Variants in NBPF14 observed in about 807,000 individuals in gnomAD.
NBPF14 encodes NBPF member 14.
NBPF14 carries 104 observed loss-of-function variants against 91.2 expected under a neutral mutation model. That is an observed-to-expected ratio of 1.14 (90% confidence interval 0.97 to 1.34). The LOEUF (loss-of-function observed/expected upper bound fraction) is 1.34. Ranked by LOEUF, NBPF14 falls within the 40% of genes most tolerant of loss-of-function variation. The probability of loss-of-function intolerance (pLI) is 0.00; values close to 1 mark genes in which losing one functional copy is unlikely to be tolerated. For missense variants in NBPF14, 908 were observed against 783.0 expected, an observed-to-expected ratio of 1.16 and a Z score of -1.91; for synonymous variants, 294 against 303.8, an observed-to-expected ratio of 0.97 and a Z score of 0.34.
intron 67 of NBPF14, among the ~76,000 whole-genome samples, 184 bp downstream of exon 67, chr1:148,536,040 T>A (rs1453928739): frequency 1.3e-5 from 2 of 150,016 alleles, no homozygotes; most frequent in Non-Finnish European, 3.0e-5. Context: ...AGAGCCTTGC[T>A]CACTGACCCA....
intron 64 of NBPF14, 64 bp from the exon 65 acceptor site, chr1:148,538,070 A>C (rs1655311041): frequency 1.8e-5 from 2 of 109,112 alleles, no homozygotes; most frequent in Admixed American, 1.7e-4. Flanking sequence ...AGCCCCAACT[A>C]GGTTTCATGG....
intron 13 of NBPF14, among the ~76,000 whole-genome samples, 153 bp downstream of exon 13, chr1:148,578,921 T>C (rs1366920865): frequency 1.4e-5 from 2 of 147,416 alleles, no homozygotes; most frequent in Non-Finnish European, 1.5e-5. Flanking sequence ...GCTTCAGACT[T>C]GACTCCAGAG....
intron 20 of NBPF14, among the ~76,000 whole-genome samples, chr1:148,572,845 G>C (rs1570979276): frequency 2.6e-5 from 1 of 38,390 alleles, no homozygotes; most frequent in Admixed American, 2.7e-4. Context: ...GAGACAGAGA[G>C]AAAGTGACCT....
intron 37 of NBPF14, among the ~76,000 whole-genome samples, 167 bp downstream of exon 37, chr1:148,559,626 G>C (rs1185552714): frequency 8.8e-5 from 11 of 125,208 alleles, no homozygotes; most frequent in South Asian, 2.9e-4. Flanking sequence ...CCCATCCCTT[G>C]TCTGGGCTTC....
intron 16 of NBPF14, 121 bp from the exon 17 acceptor site, chr1:148,575,932 G>C: frequency 2.3e-6 from 1 of 435,614 alleles, no homozygotes; most frequent in Non-Finnish European, 4.1e-6. Flanking sequence ...ATCCATTAAT[G>C]AGGTAATGAA....
intron 69 of NBPF14, 116 bp downstream of exon 69, chr1:148,534,568 G>A (rs1287653949): frequency 1.3e-6 from 1 of 774,902 alleles, no homozygotes; most frequent in Non-Finnish European, 2.3e-6. Flanking sequence ...TGCGCCCATA[G>A]GTCCTGCCTG....
At chr1:148,559,278 T>C (rs1365140431) in intron 37 of NBPF14, among the ~76,000 whole-genome samples, 2 of 113,594 alleles carry the variant, frequency 1.8e-5, no homozygotes, top group African/African-American at 1.0e-4. Context: ...TAAAATTCCC[T>C]ATTCTGGTAG....
At position 148,572,583 on chromosome 1, in the gene NBPF14, G is replaced by A. The variant is rs1229360928; in HGVS notation, c.2618C>T (p.Pro873Leu). The A allele has an allele frequency of 1.7e-5, 11 of 639,054 alleles. 1 individual carries two copies. Among genetic ancestry groups the A allele is most frequent in the Non-Finnish European group, 3.0e-5 (11 of 362,300 alleles). 39.6% of individuals were successfully genotyped at this position (639,054 alleles called of 1,614,324 possible). ...ATCCAGTGAGTCCTGCAAGACTTCA[G>A]GCTCTTTCTCATCCAGCAGCTCCCT... The change falls in exon 21 of 71, where the codon CCT becomes CTT. Residue 873 changes from proline (P) to leucine (L), a missense_variant. Pro to Leu is a moderately conservative substitution (Grantham distance 98). This residue lies in a region of NBPF14 where 447 missense variants were observed against 189.1 expected (regional missense o/e 2.36). Coordinates refer to ENST00000619423, the Ensembl canonical transcript of NBPF14.
exon 21 of NBPF14, chr1:148,572,466 A>ACAC: frequency 3.7e-6 from 2 of 538,482 alleles, no homozygotes; most frequent in Non-Finnish European, 6.4e-6. Context: ...AGCCAAGCCA[A>ACAC]GGTACTGTTC....
In NBPF14 at chr1:148,539,286, C is replaced by G. The variant is rs1171385955; in HGVS notation, c.7882+124G>C. 1.3e-5 allele frequency: 8 copies of G among 635,572 alleles called. 1 individual carries two copies. Among genetic ancestry groups the G allele is most frequent in the South Asian group, 3.3e-5 (2 of 60,376 alleles). The allele number at this position is 635,572 out of a possible 1,614,324, so 39.4% of individuals were successfully genotyped here. On this transcript the variant is annotated intron_variant, in intron 63 of 70. Coordinates refer to ENST00000619423, the Ensembl canonical transcript of NBPF14. ...CTACAGTTTCTTTACAACCTATATG[C>G]GCCCATAGGTCCTGACTGCGGCAAT...
chr1:148,590,341 C>T (rs1662280428), intron 6 of NBPF14, among the ~76,000 whole-genome samples: 2 of 144,286 alleles, frequency 1.4e-5, no homozygotes, highest in South Asian at 4.8e-4. Context: ...ACAGGTGTGA[C>T]CCACTGCTCC....
chr1:148,591,667 C>G (rs1662503703), intron 4 of NBPF14, among the ~76,000 whole-genome samples, 163 bp from the exon 5 acceptor site: 2 of 148,230 alleles, frequency 1.3e-5, no homozygotes, highest in African/African-American at 4.9e-5. Flanking sequence ...GTTTCCTGGT[C>G]CATCGGGCAA....
At chr1:148,534,566 T>A in intron 69 of NBPF14, 118 bp downstream of exon 69, 2 of 766,926 alleles carry the variant, frequency 2.6e-6, no homozygotes, top group South Asian at 2.8e-5. Context: ...TATGCGCCCA[T>A]AGGTCCTGCC....
At chr1:148,531,617 G>A (rs1311467508) in exon 71 of NBPF14, 2 of 15,750 alleles carry the variant, frequency 1.3e-4, no homozygotes, top group Non-Finnish European at 2.6e-4. Flanking sequence ...TAAAAATTGA[G>A]ACCCCAAATT....
At chr1:148,533,391 G>T (rs1198484438) in intron 70 of NBPF14, 143 bp from the exon 71 acceptor site, 56 of 585,140 alleles carry the variant, frequency 9.6e-5, no homozygotes, top group Middle Eastern at 9.0e-4. Flanking sequence ...AAAATTTATT[G>T]CCTTTATGTT....
intron 5 of NBPF14, among the ~76,000 whole-genome samples, chr1:148,591,191 A>C (rs1249862361): frequency 7.2e-6 from 1 of 139,826 alleles, no homozygotes; most frequent in South Asian, 2.4e-4. Flanking sequence ...CAGTGCACTG[A>C]ACAGATAGGA....
At chr1:148,533,432 G>C (rs1401136084) in intron 70 of NBPF14, among the ~76,000 whole-genome samples, 184 bp from the exon 71 acceptor site, 5 of 151,152 alleles carry the variant, frequency 3.3e-5, no homozygotes, top group African/African-American at 4.9e-5. Flanking sequence ...AGAAAACAAT[G>C]AAAGAGAAAG....
intron 12 of NBPF14, among the ~76,000 whole-genome samples, chr1:148,580,885 C>T: frequency 9.8e-6 from 1 of 102,336 alleles, no homozygotes; most frequent in Non-Finnish European, 2.0e-5. Context: ...TACTTTAAGT[C>T]TTAGGGTACA....
chr1:148,566,264 T>G lies in NBPF14; in HGVS notation c.3594A>C (p.Ser1198=). 3 of 647,772 alleles carry G rather than the reference T, an allele frequency of 4.6e-6. 1 individual carries two copies. The highest frequency in any genetic ancestry group is 8.2e-6 in the Non-Finnish European group (3 of 363,750). 40.1% of individuals were successfully genotyped at this position (647,772 alleles called of 1,614,324 possible). A position where few individuals can be genotyped will look rare whatever the true frequency, so the allele number is the denominator to read the frequency against. Residue 1198 remains serine (S), a synonymous_variant, in exon 29 of 71, where the codon TCA becomes TCC. Transcript: ENST00000619423. ...AAGGAGTTGAATAACATCTATCCAG[T>G]GAGTCCTGCAAGACTTCAGGCTCTA...
Sources: allele counts gnomAD v4.1 joint callset (sites outside exome capture counted in the v4.1 genomes callset), GRCh38; gene constraint gnomAD v4.1.1; regional missense constraint gnomAD v4.1.1; transcripts MANE v1.5; gene names NCBI Gene and HGNC (gene_info 2026-07-23, HGNC 2026-07-21).